The following GPC6 variants were observed in gnomAD, a reference collection of about 807,000 sequenced individuals.
GPC6 encodes the protein glypican-6.
GPC6 carries 14 observed loss-of-function variants against 55.2 expected under a neutral mutation model. That is an observed-to-expected ratio of 0.25 (90% CI 0.17 to 0.40). The LOEUF is 0.40. GPC6 is among the 10% of genes least tolerant of loss of function. The probability of loss-of-function intolerance (pLI) is 1.00; values close to 1 mark genes in which losing one functional copy is unlikely to be tolerated. For missense variants in GPC6, 641 were observed against 708.5 expected (o/e 0.90, Z 1.08); for synonymous variants, 278 against 259.6 (o/e 1.07, Z -0.68).
chr13:93,963,330 T>C (rs11839596), intron 3 of GPC6, among the ~76,000 whole-genome samples: 1,690 of 152,248 alleles, frequency 0.011, 25 homozygotes, highest in Middle Eastern at 0.041. Context: ...TTTTACTCAT[T>C]TGTGATTACT....
Position 93,346,147 on chromosome 13 carries a change from C to T in GPC6, c.160+118531C>T, listed in dbSNP as rs924175313. On this transcript the variant is annotated intron_variant, in intron 1 of 8. Transcript: ENST00000377047. Reference sequence around the variant, plus strand: ...AAAGTACTTTGTAGTCAGAGAACTGCAGTTCATTTTTTTTTCATTAAGTTT... The same window carrying T: ...AAAGTACTTTGTAGTCAGAGAACTGTAGTTCATTTTTTTTTCATTAAGTTT... 2.0e-5 allele frequency among the ~76,000 whole-genome samples: 3 copies of T among 152,014 alleles called. No homozygotes were observed. The East Asian group carries it at 5.8e-4, about 29-fold the overall frequency.
At chr13:93,383,295 C>G (rs12875395) in intron 1 of GPC6, among the ~76,000 whole-genome samples, 29,364 of 152,078 alleles carry the variant, frequency 0.19, 2,870 homozygotes, top group South Asian at 0.28. Flanking sequence ...CACTGCAGCC[C>G]TGACCTCCCA....
At chr13:93,677,952 T>C (rs1239555398) in intron 2 of GPC6, among the ~76,000 whole-genome samples, 4 of 152,176 alleles carry the variant, frequency 2.6e-5, no homozygotes, top group Non-Finnish European at 5.9e-5. Flanking sequence ...TAACATAATT[T>C]ATCCACATGG....
the GPC6 span, among the ~76,000 whole-genome samples, chr13:93,218,824 C>T: frequency 1.3e-5 from 2 of 152,110 alleles, no homozygotes; most frequent in African/African-American, 2.4e-5. Flanking sequence ...CTGATGTCCA[C>T]GTATATTCAC....
chr13:93,219,347 C>T, the GPC6 span, among the ~76,000 whole-genome samples: 6 of 152,178 alleles, frequency 3.9e-5, no homozygotes, highest in South Asian at 2.1e-4. Flanking sequence ...CCGCCTTGGC[C>T]TCCCAAAGTG....
At chr13:93,513,207 T>A (rs1449025252) in intron 1 of GPC6, among the ~76,000 whole-genome samples, 2 of 152,220 alleles carry the variant, frequency 1.3e-5, no homozygotes, top group African/African-American at 4.8e-5. Flanking sequence ...AGTTTCCACC[T>A]TTTTTATTAC....
intron 2 of GPC6, among the ~76,000 whole-genome samples, chr13:93,547,287 A>G (rs1241123823): frequency 6.6e-6 from 1 of 152,176 alleles, no homozygotes; most frequent in Non-Finnish European, 1.5e-5. Context: ...TGGAGGTTGC[A>G]GTGAGCCGAG....
intron 2 of GPC6, among the ~76,000 whole-genome samples, chr13:93,596,837 T>A (rs1213440079): frequency 6.7e-6 from 1 of 148,972 alleles, no homozygotes; most frequent in Admixed American, 6.7e-5. Context: ...TGTGCCTGTA[T>A]ATATATAAAA....
intron 4 of GPC6, among the ~76,000 whole-genome samples, chr13:94,169,198 C>T (rs945067056): frequency 1.3e-5 from 2 of 152,170 alleles, no homozygotes; most frequent in African/African-American, 4.8e-5. Context: ...CAACAGCTTT[C>T]AAGAAATGAT....
At chr13:93,921,591 C>T in intron 3 of GPC6, among the ~76,000 whole-genome samples, 1 of 151,802 alleles carries the variant, frequency 6.6e-6, no homozygotes, top group East Asian at 2.0e-4. Context: ...CAGCCGAATT[C>T]CTCTCAATAT....
chr13:93,765,152 A>G (rs952012198), intron 2 of GPC6, among the ~76,000 whole-genome samples: 2 of 109,538 alleles, frequency 1.8e-5, no homozygotes, highest in Admixed American at 2.1e-4. Flanking sequence ...CCATTTAGAT[A>G]TACCTAGATT....
chr13:93,747,645 A>C (rs1222419963), intron 2 of GPC6, among the ~76,000 whole-genome samples: 1 of 152,226 alleles, frequency 6.6e-6, no homozygotes, highest in Non-Finnish European at 1.5e-5. Context: ...AATAAATTAC[A>C]TGAGGTATTC....
intron 2 of GPC6, among the ~76,000 whole-genome samples, chr13:93,826,778 C>A (rs566435231): frequency 6.6e-6 from 1 of 152,264 alleles, no homozygotes; most frequent in East Asian, 1.9e-4. Flanking sequence ...TCTCAGTTAT[C>A]CTTAGGGCAC....
Position 94,377,284 on chromosome 13 carries a change from G to A in GPC6, c.1153-5130G>A, listed in dbSNP as rs1448656910. Among the ~76,000 whole-genome samples the A allele has an allele frequency of 7.2e-3, 917 of 127,724 alleles. 7 individuals are homozygous for A. Among genetic ancestry groups the A allele is most frequent in the Non-Finnish European group, 0.011 (658 of 60,428 alleles). The allele number at this position is 127,724 out of a possible 152,430, so 83.8% of individuals were successfully genotyped here. A position where few individuals can be genotyped will look rare whatever the true frequency, so the allele number is the denominator to read the frequency against. On this transcript the variant is annotated intron_variant, in intron 6 of 8. Coordinates refer to ENST00000377047, the MANE Select transcript of GPC6 (RefSeq NM_005708.5). The stretch of plus-strand genomic sequence containing the variant: ...ACCTACAAAATGGGAGAAAATTTTT[G>A]CAACCTACTCATCTGACAAAGGGCT...
intron 5 of GPC6, among the ~76,000 whole-genome samples, chr13:94,287,889 A>G (rs758310332): frequency 1.3e-5 from 2 of 152,246 alleles, no homozygotes; most frequent in Non-Finnish European, 2.9e-5. Context: ...CAGGAGGAAC[A>G]CATGGACAAA....
intron 4 of GPC6, among the ~76,000 whole-genome samples, chr13:94,164,285 A>G (rs1239679981): frequency 6.6e-6 from 1 of 152,228 alleles, no homozygotes; most frequent in Non-Finnish European, 1.5e-5. Flanking sequence ...ACAACTTTGT[A>G]GTTTGCACAT....
intron 4 of GPC6, among the ~76,000 whole-genome samples, chr13:94,098,307 T>C (rs938647005): frequency 1.3e-5 from 2 of 152,180 alleles, no homozygotes; most frequent in African/African-American, 4.8e-5. Flanking sequence ...ATACAAATCA[T>C]TAATTAATGG....
intron 2 of GPC6, among the ~76,000 whole-genome samples, chr13:93,587,955 T>A (rs1258345985): frequency 2.0e-5 from 3 of 152,234 alleles, no homozygotes; most frequent in Non-Finnish European, 4.4e-5. Flanking sequence ...CACCATAACC[T>A]GGAAAGTATG....
chr13:93,866,948 G>T (rs1043278472), intron 3 of GPC6, among the ~76,000 whole-genome samples: 4 of 151,632 alleles, frequency 2.6e-5, no homozygotes. Context: ...AAAAATTAAA[G>T]TTCAGAAACA....
Sources: gnomAD v4.1 joint callset for allele counts (sites outside exome capture counted in the v4.1 genomes callset) on GRCh38, gnomAD v4.1.1 for gene constraint, MANE v1.5 for transcripts, NCBI Gene and HGNC (gene_info 2026-07-23, HGNC 2026-07-21) for gene names.